The following SLC16A7 variants were observed in gnomAD, a reference collection of about 807,000 sequenced individuals.
SLC16A7 encodes solute carrier family 16 member 7, also known as monocarboxylate transporter 2.
Under a neutral mutation model 34.9 loss-of-function variants are expected in SLC16A7, and 33 were observed. That is an observed-to-expected ratio of 0.94 (90% CI 0.72 to 1.26). The LOEUF (loss-of-function observed/expected upper bound fraction) is 1.26. SLC16A7 is among the 50% of genes most tolerant of loss of function. The probability of loss-of-function intolerance (pLI) is 0.00; values close to 1 mark genes in which losing one functional copy is unlikely to be tolerated. For missense variants in SLC16A7, 573 were observed against 578.1 expected (o/e 0.99, Z 0.09); for synonymous variants, 201 against 206.6 (o/e 0.97, Z 0.23).
intron 3 of SLC16A7, among the ~76,000 whole-genome samples, chr12:59,738,116 A>C (rs1192836524): frequency 6.6e-6 from 1 of 152,184 alleles, no homozygotes; most frequent in Non-Finnish European, 1.5e-5. Context: ...AAATGTATTC[A>C]CATCAACTCC....
intron 3 of SLC16A7, chr12:59,734,248 C>G (rs191018826): frequency 5.7e-6 from 1 of 174,974 alleles, no homozygotes; most frequent in Admixed American, 5.8e-5. Context: ...AGCCTCCCTC[C>G]CAGAGCTCAT....
chr12:59,671,953 ATG>A lies in SLC16A7; in HGVS notation c.-31+16705_-31+16706del, dbSNP rs56315132. On this transcript the variant is annotated intron_variant, in intron 2 of 5. Transcript: ENST00000547379. Reference sequence around the variant, plus strand: ...TCCATATATGTATATATGTGTATATATGTATATATGTGTATATATCCATATAT... The same window carrying A: ...TCCATATATGTATATATGTGTATATATATATATGTGTATATATCCATATAT... 8.9e-4 allele frequency among the ~76,000 whole-genome samples: 55 copies of A among 62,122 alleles called. 10 individuals are homozygous for A. The highest frequency in any genetic ancestry group is 4.6e-3 in the African/African-American group (49 of 10,558). The allele number at this position is 62,122 out of a possible 152,430, so 40.8% of individuals were successfully genotyped here.
chr12:59,683,744 A>G (rs1380512920), intron 2 of SLC16A7, among the ~76,000 whole-genome samples: 1 of 152,200 alleles, frequency 6.6e-6, no homozygotes, highest in African/African-American at 2.4e-5. Context: ...ATAGAGATAG[A>G]TAATATAATG....
Position 59,785,553 on chromosome 12 carries a change from T to C in SLC16A7, c.*5874T>C, listed in dbSNP as rs980731552. 9 of 152,194 alleles carry C rather than the reference T, an allele frequency of 5.9e-5. No homozygotes were observed. The highest frequency in any genetic ancestry group is 1.3e-4 in the Admixed American group (2 of 15,272). The allele number at this position is 152,194 out of a possible 1,614,324, so 9.4% of individuals were successfully genotyped here. On this transcript the variant is annotated 3_prime_UTR_variant, in exon 6 of 6. Transcript: ENST00000547379. Reference sequence around the variant, plus strand: ...TTTTCCTTTCTATGTTTTTATAATATCTAGGTAAAACTTGTTTAGCATTTT... The same window carrying C: ...TTTTCCTTTCTATGTTTTTATAATACCTAGGTAAAACTTGTTTAGCATTTT...
In SLC16A7 at chr12:59,722,150, A is replaced by G. The variant is rs567932210; in HGVS notation, c.217+17132A>G. On this transcript the variant is annotated intron_variant, in intron 3 of 5. Coordinates refer to ENST00000547379, the MANE Select transcript of SLC16A7 (RefSeq NM_001270623.2). ...GCTTAACAGGCATCTCTGACTTCGC[A>G]TACCTAAAATTCATCTTCTGAAATT... 5.3e-5 allele frequency among the ~76,000 whole-genome samples: 8 copies of G among 152,068 alleles called. No homozygotes were observed. In the East Asian group the frequency reaches 5.8e-4, roughly 11 times the overall value.
At chr12:59,603,975 C>G (rs913668594) in intron 1 of SLC16A7, among the ~76,000 whole-genome samples, 10 of 152,214 alleles carry the variant, frequency 6.6e-5, no homozygotes, top group Non-Finnish European at 1.2e-4. Context: ...GAATCCCTTT[C>G]TCATTTGAAT....
intron 1 of SLC16A7, among the ~76,000 whole-genome samples, chr12:59,610,471 A>G (rs1420868679): frequency 6.6e-6 from 1 of 152,206 alleles, no homozygotes; most frequent in Non-Finnish European, 1.5e-5. Flanking sequence ...GGATTTGAAT[A>G]TTGTTTTCTT....
chr12:59,737,345 T>A (rs960600255), intron 3 of SLC16A7, among the ~76,000 whole-genome samples: 2 of 152,234 alleles, frequency 1.3e-5, no homozygotes, highest in Non-Finnish European at 2.9e-5. Flanking sequence ...GTGTTTGGGT[T>A]GATTGCATTG....
intron 3 of SLC16A7, among the ~76,000 whole-genome samples, chr12:59,727,919 A>T (rs1352616479): frequency 2.6e-5 from 4 of 152,164 alleles, no homozygotes; most frequent in Non-Finnish European, 5.9e-5. Flanking sequence ...GGGGAAATTT[A>T]AAAATGTTGA....
intron 3 of SLC16A7, among the ~76,000 whole-genome samples, chr12:59,716,821 G>C (rs1874959673): frequency 6.6e-6 from 1 of 151,798 alleles, no homozygotes; most frequent in Non-Finnish European, 1.5e-5. Context: ...ACTCCAGCCT[G>C]GACAACAGAG....
At chr12:59,721,480 T>G (rs905417209) in intron 3 of SLC16A7, among the ~76,000 whole-genome samples, 1 of 151,956 alleles carries the variant, frequency 6.6e-6, no homozygotes. Flanking sequence ...CACAACTGGG[T>G]CATTCCTGTA....
chr12:59,650,270 G>A (rs932448784), intron 1 of SLC16A7, among the ~76,000 whole-genome samples: 2 of 151,992 alleles, frequency 1.3e-5, no homozygotes, highest in African/African-American at 4.8e-5. Flanking sequence ...AGGAGATATG[G>A]TATTATGAAG....
rs1265380746 is a variant in SLC16A7, at chr12:59,780,084, A to G, written c.*405A>G. ...TTATACATTTCATTTTTTATTTGAT[A>G]TTAAAGTATGAGATAGAGTTGAGAG... On this transcript the variant is annotated 3_prime_UTR_variant, in exon 6 of 6. Transcript: ENST00000547379. 6.1e-6 allele frequency: 1 copy of G among 162,708 alleles called. No homozygotes were observed. The highest frequency in any genetic ancestry group is 1.3e-5 in the Non-Finnish European group (1 of 74,106). The allele number at this position is 162,708 out of a possible 1,614,324, so 10.1% of individuals were successfully genotyped here.
In SLC16A7 at chr12:59,636,768, G is replaced by T. The variant is rs60601663; in HGVS notation, c.-129-18384G>T. 4.0e-3 allele frequency among the ~76,000 whole-genome samples: 603 copies of T among 152,218 alleles called. 5 individuals carry two copies. Among genetic ancestry groups the T allele is most frequent in the African/African-American group, 0.014 (569 of 41,552 alleles). ...GATGAATTTGATTACATGAATTTAA[G>T]ATTAGAAATTCCAATGTTATACTAG... On this transcript the variant is annotated intron_variant, in intron 1 of 5. Transcript: ENST00000547379.
At chr12:59,719,885 T>C in intron 3 of SLC16A7, 2 of 515,488 alleles carry the variant, frequency 3.9e-6, no homozygotes, top group Non-Finnish European at 3.4e-6. Flanking sequence ...AAATAGACAA[T>C]TTTCCGTGGT....
chr12:59,732,264 C>A (rs28494637), intron 3 of SLC16A7, among the ~76,000 whole-genome samples: 1 of 151,716 alleles, frequency 6.6e-6, no homozygotes, highest in Middle Eastern at 3.4e-3. Flanking sequence ...TAAAAAAAAA[C>A]ACAAAATTAG....
At chr12:59,608,441 G>A (rs918215513) in intron 1 of SLC16A7, among the ~76,000 whole-genome samples, 1 of 152,164 alleles carries the variant, frequency 6.6e-6, no homozygotes, top group African/African-American at 2.4e-5. Flanking sequence ...GTATCACTAA[G>A]GGATATGACA....
chr12:59,745,165 G>A lies in SLC16A7; in HGVS notation c.218-26054G>A, dbSNP rs530015531. 7.2e-5 allele frequency among the ~76,000 whole-genome samples: 11 copies of A among 152,302 alleles called. No individual in the cohort carries two copies. The South Asian group carries it at 2.3e-3, about 32-fold the overall frequency. ...CTTTATGATTATAAAATGGGTGCCA[G>A]GAGCAATCAGACAATATGCTGTCTT... On this transcript the variant is annotated intron_variant, in intron 3 of 5. Coordinates refer to ENST00000547379, the MANE Select transcript of SLC16A7 (RefSeq NM_001270623.2).
At chr12:59,617,895 A>C (rs1879525980) in intron 1 of SLC16A7, among the ~76,000 whole-genome samples, 1 of 151,950 alleles carries the variant, frequency 6.6e-6, no homozygotes, top group Non-Finnish European at 1.5e-5. Context: ...TTTTACTGAC[A>C]TCTTGATTTT....
Sources: allele counts gnomAD v4.1 joint callset (sites outside exome capture counted in the v4.1 genomes callset), GRCh38; gene constraint gnomAD v4.1.1; transcripts MANE v1.5; gene names NCBI Gene and HGNC (gene_info 2026-07-23, HGNC 2026-07-21).